ASIC2: variants seen among roughly 807,000 people sequenced by gnomAD.
ASIC2 encodes acid sensing ion channel subunit 2.
ASIC2 carries 25 observed loss-of-function variants against 57.3 expected under a neutral mutation model. The observed-to-expected ratio is 0.44, with a 90% confidence interval of 0.32 to 0.61. The LOEUF is 0.61. Ranked by LOEUF, ASIC2 falls within the 20% of genes least tolerant of loss-of-function variation. ASIC2 has a pLI of 0.06. For missense variants in ASIC2, 641 were observed against 738.1 expected, an observed-to-expected ratio of 0.87 and a Z score of 1.52; for synonymous variants, 319 against 307.5, an observed-to-expected ratio of 1.04 and a Z score of -0.39.
At chr17:33,107,080 C>T (rs1207336328) in intron 2 of ASIC2, among the ~76,000 whole-genome samples, 1 of 152,188 alleles carries the variant, frequency 6.6e-6, no homozygotes, top group East Asian at 1.9e-4. Context: ...TCAGGTTTCT[C>T]ATGTGCAACC....
At chr17:34,102,371 T>C (rs1910898764) in intron 1 of ASIC2, among the ~76,000 whole-genome samples, 1 of 151,700 alleles carries the variant, frequency 6.6e-6, no homozygotes, top group African/African-American at 2.4e-5. Flanking sequence ...AATATAAAGA[T>C]AAAAATAAAA....
intron 1 of ASIC2, among the ~76,000 whole-genome samples, chr17:33,945,454 T>C (rs946337989): frequency 6.6e-6 from 1 of 151,868 alleles, no homozygotes; most frequent in African/African-American, 2.4e-5. Context: ...GCCAGGAAAA[T>C]GGTACTAGAC....
At chr17:33,970,708 C>G (rs1355908348) in intron 1 of ASIC2, among the ~76,000 whole-genome samples, 2 of 152,178 alleles carry the variant, frequency 1.3e-5, no homozygotes, top group African/African-American at 4.8e-5. Flanking sequence ...CTCATTGAGG[C>G]TATGCAATTA....
At chr17:33,911,624 G>C (rs1915463875) in intron 1 of ASIC2, among the ~76,000 whole-genome samples, 1 of 152,148 alleles carries the variant, frequency 6.6e-6, no homozygotes, top group Admixed American at 6.6e-5. Context: ...TGTGTACCCA[G>C]CTAACACCCA....
At chr17:33,662,913 C>T (rs184465348) in intron 1 of ASIC2, among the ~76,000 whole-genome samples, 1 of 152,184 alleles carries the variant, frequency 6.6e-6, no homozygotes, top group African/African-American at 2.4e-5. Context: ...TTAAAGAAAT[C>T]CAATATTTTT....
chr17:34,032,095 A>G (rs971326731), intron 1 of ASIC2, among the ~76,000 whole-genome samples: 1 of 152,182 alleles, frequency 6.6e-6, no homozygotes, highest in Non-Finnish European at 1.5e-5. Context: ...GGAAAAAATG[A>G]TCAGGGTAGC....
At chr17:33,971,124 A>T (rs1905217966) in intron 1 of ASIC2, among the ~76,000 whole-genome samples, 2 of 152,226 alleles carry the variant, frequency 1.3e-5, no homozygotes, top group African/African-American at 4.8e-5. Flanking sequence ...AGTGGCACGC[A>T]GTCCTCCAGC....
intron 1 of ASIC2, among the ~76,000 whole-genome samples, chr17:33,577,522 C>G (rs1215749793): frequency 6.6e-6 from 1 of 152,168 alleles, no homozygotes; most frequent in African/African-American, 2.4e-5. Flanking sequence ...GCTTCCCAAC[C>G]TGGCACAGCA....
At chr17:33,244,810 G>T (rs4795753) in intron 1 of ASIC2, among the ~76,000 whole-genome samples, 1 of 152,060 alleles carries the variant, frequency 6.6e-6, no homozygotes, top group South Asian at 2.1e-4. Flanking sequence ...CTGCTCAGGC[G>T]AGAATGCAGA....
intron 1 of ASIC2, among the ~76,000 whole-genome samples, chr17:34,095,639 A>ATATATATATAATAT (rs1330818271): frequency 3.7e-5 from 5 of 135,574 alleles, no homozygotes; most frequent in African/African-American, 1.4e-4. Flanking sequence ...AATTTTATAT[A>ATATATATATAATAT]TATATATATA....
chr17:33,682,517 G>C (rs62057838), intron 1 of ASIC2, among the ~76,000 whole-genome samples: 11,071 of 152,144 alleles, frequency 0.073, 516 homozygotes, highest in Non-Finnish European at 0.1. Context: ...AATAATGTTA[G>C]AATAATCTTC....
In ASIC2 at chr17:33,785,038, C is replaced by T. The variant is rs527949040; in HGVS notation, c.555+370940G>A. 1.4e-4 allele frequency among the ~76,000 whole-genome samples: 21 copies of T among 152,174 alleles called. No homozygotes were observed. In the South Asian group the frequency reaches 4.4e-3, roughly 32 times the overall value. ...CCCCAAAAATTCCTATGTTGAAGTC[C>T]TAACTCCCAGGGCTTCAGAATATTA... On this transcript the variant is annotated intron_variant, in intron 1 of 9. Coordinates refer to the ASIC2 transcript ENST00000359872.
intron 2 of ASIC2, among the ~76,000 whole-genome samples, chr17:33,110,759 A>T (rs1047751758): frequency 1.1e-4 from 16 of 152,172 alleles, no homozygotes; most frequent in African/African-American, 3.9e-4. Context: ...TCCAAAGTCA[A>T]TGGACTCAAG....
chr17:33,572,194 G>A (rs946402270), intron 1 of ASIC2: 1 of 152,138 alleles, frequency 6.6e-6, no homozygotes, highest in African/African-American at 2.4e-5. Context: ...TCCTCACTCA[G>A]GAGTTGATAT....
chr17:33,563,965 A>T (rs1220538237), intron 1 of ASIC2, among the ~76,000 whole-genome samples: 2 of 152,170 alleles, frequency 1.3e-5, no homozygotes, highest in Non-Finnish European at 2.9e-5. Flanking sequence ...TGGTACTCGA[A>T]TATTTCTTAC....
intron 1 of ASIC2, among the ~76,000 whole-genome samples, chr17:33,152,245 G>A (rs1269531726): frequency 6.6e-6 from 1 of 152,178 alleles, no homozygotes; most frequent in Non-Finnish European, 1.5e-5. Flanking sequence ...GATCATACTA[G>A]ACACAATGTG....
At chr17:33,984,133 C>CT (rs1905727146) in intron 1 of ASIC2, 1 of 152,284 alleles carries the variant, frequency 6.6e-6, no homozygotes, top group Admixed American at 6.5e-5. Flanking sequence ...TGGCTGCAAT[C>CT]ATATTCACTG....
intron 1 of ASIC2, chr17:34,038,986 A>G: frequency 6.2e-7 from 1 of 1,614,160 alleles, no homozygotes; most frequent in Non-Finnish European, 8.5e-7. Context: ...AAAGTAGCCC[A>G]GTCTCAAGCG....
intron 3 of ASIC2, among the ~76,000 whole-genome samples, chr17:33,041,843 T>C (rs2091930903): frequency 6.6e-6 from 1 of 152,192 alleles, no homozygotes; most frequent in Admixed American, 6.5e-5. Context: ...ACTCAACCTT[T>C]CTGGGCCTTT....
Sources: gnomAD v4.1 joint callset for allele counts (sites outside exome capture counted in the v4.1 genomes callset) on GRCh38, gnomAD v4.1.1 for gene constraint, MANE v1.5 for transcripts, NCBI Gene and HGNC (gene_info 2026-07-23, HGNC 2026-07-21) for gene names.